The following MRRF variants were observed in gnomAD, a reference collection of about 807,000 sequenced individuals.
MRRF encodes ribosome-recycling factor, mitochondrial.
In MRRF, 18 loss-of-function variants were observed where a neutral mutation model predicts 25.1. The observed-to-expected ratio is 0.72, with a 90% CI of 0.50 to 1.06. The LOEUF (loss-of-function observed/expected upper bound fraction) is 1.06. MRRF is among the 50% of genes least tolerant of loss of function. The probability of loss-of-function intolerance (pLI) is 0.00; values close to 1 mark genes in which losing one functional copy is unlikely to be tolerated. For synonymous variants in MRRF, 113 were observed against 112.1 expected (o/e 1.01, Z -0.05); for missense variants, 323 against 319.3 (o/e 1.01, Z -0.09).
chr9:122,291,875 A>T (rs1320313270), intron 5 of MRRF, 35 bp downstream of exon 5: 1 of 1,479,602 alleles, frequency 6.8e-7, no homozygotes, highest in Non-Finnish European at 9.5e-7. Context: ...TTTTGATGAA[A>T]CGGGGTGGTT....
At chr9:122,268,243 C>T (rs1254943110) in intron 1 of MRRF, among the ~76,000 whole-genome samples, 2 of 152,338 alleles carry the variant, frequency 1.3e-5, no homozygotes, top group East Asian at 3.9e-4. Context: ...TTCCGGTTCA[C>T]GTGTACTGGG....
chr9:122,317,374 T>C (rs1212632129), intron 6 of MRRF, among the ~76,000 whole-genome samples: 1 of 152,126 alleles, frequency 6.6e-6, no homozygotes, highest in African/African-American at 2.4e-5. Context: ...TAAAGGATAA[T>C]ATATACTAAA....
chr9:122,269,124 C>T (rs891029151), intron 1 of MRRF, among the ~76,000 whole-genome samples: 15 of 151,376 alleles, frequency 9.9e-5, no homozygotes, highest in African/African-American at 3.6e-4. Flanking sequence ...CGAGATCGTG[C>T]CACTGCACTC....
At position 122,318,688 on chromosome 9, in the gene MRRF, G is replaced by A. The variant is rs994143886; in HGVS notation, c.712-3852G>A. Among the ~76,000 whole-genome samples, 5 of 152,334 alleles carry A rather than the reference G, an allele frequency of 3.3e-5. No homozygotes were observed. The East Asian group carries it at 9.6e-4, about 29-fold the overall frequency. On this transcript the variant is annotated intron_variant, in intron 6 of 6. Coordinates refer to ENST00000344641, the MANE Select transcript of MRRF (RefSeq NM_138777.5). ...CAAATGTGATGATGATAATGATGGT[G>A]ACGATGTTATCATCTCTATGAGGCA...
intron 5 of MRRF, among the ~76,000 whole-genome samples, chr9:122,306,380 G>T (rs59096602): frequency 0.016 from 2,381 of 152,266 alleles, 61 homozygotes; most frequent in African/African-American, 0.049. Context: ...TTAAGTTGTT[G>T]TAAGAGGGAC....
Position 122,280,577 on chromosome 9 carries a change from C to G in MRRF, c.319C>G (p.Leu107Val), listed in dbSNP as rs769997516. ...TCTCAAGGATAATTTCAATAAGACT[C>G]TCAATATAAGGACCTCACCAGGTTA... ...EALKDNFNKT[L>V]NIRTSPGSLD... Residue 107 changes from leucine (L) to valine (V), a missense_variant, in exon 3 of 7, where the codon CTC (leucine) becomes GTC (valine). Leu to Val is a conservative substitution (Grantham distance 32). Coordinates refer to ENST00000344641, the MANE Select transcript of MRRF (RefSeq NM_138777.5). The G allele has an allele frequency of 9.3e-6, 15 of 1,613,830 alleles. No homozygotes were observed. Among genetic ancestry groups the G allele is most frequent in the Non-Finnish European group, 1.3e-5 (15 of 1,179,858 alleles).
Position 122,270,928 on chromosome 9 carries a change from C to T in MRRF, c.37C>T (p.Pro13Ser). Residue 13 changes from proline to serine, a missense_variant, in exon 2 of 7, where the codon CCT becomes TCT. Pro to Ser is a moderately conservative substitution (Grantham distance 74). Transcript: ENST00000344641. ...ATTAAAGTGCTTCCGCATGGTCCAC[C>T]CTACCTTTCGCAATTATCTTGCAGC... Reference protein sequence around the residue: ...LGLKCFRMVHPTFRNYLAASI... With the variant: ...LGLKCFRMVHSTFRNYLAASI... The T allele has an allele frequency of 6.2e-7, 1 of 1,614,146 alleles. No individual in the cohort carries two copies. The highest frequency in any genetic ancestry group is 1.3e-5 in the African/African-American group (1 of 75,018).
intron 5 of MRRF, among the ~76,000 whole-genome samples, chr9:122,292,775 G>A (rs1833857704): frequency 1.3e-5 from 2 of 152,090 alleles, no homozygotes; most frequent in Non-Finnish European, 2.9e-5. Flanking sequence ...GTACAAAGTG[G>A]ACACAAGGGG....
Position 122,328,585 on chromosome 9 carries a change from A to G in MRRF, c.*5968A>G, listed in dbSNP as rs1458165568. On this transcript the variant is annotated 3_prime_UTR_variant, in exon 7 of 7. Transcript: ENST00000344641. Reference sequence around the variant, plus strand: ...TTTCTAAGGCTGAGTAATCTGTTGTATATATGAATAAGTATATATAAAGCT... The same window carrying G: ...TTTCTAAGGCTGAGTAATCTGTTGTGTATATGAATAAGTATATATAAAGCT... The G allele has an allele frequency of 1.3e-5, 2 of 152,226 alleles. No homozygotes were observed. Among genetic ancestry groups the G allele is most frequent in the Non-Finnish European group, 1.5e-5 (1 of 68,046 alleles). 9.4% of individuals were successfully genotyped at this position (152,226 alleles called of 1,614,324 possible).
At chr9:122,313,944 T>A (rs912809757) in intron 6 of MRRF, among the ~76,000 whole-genome samples, 7 of 152,118 alleles carry the variant, frequency 4.6e-5, no homozygotes, top group Non-Finnish European at 8.8e-5. Flanking sequence ...AATATTCAGT[T>A]AAGATCATTG....
chr9:122,300,190 T>C (rs1834363123), intron 5 of MRRF, among the ~76,000 whole-genome samples: 1 of 152,190 alleles, frequency 6.6e-6, no homozygotes, highest in Admixed American at 6.5e-5. Context: ...CTTTAGTACC[T>C]CTGCCATGTG....
In MRRF at chr9:122,305,600, T is replaced by A. The variant is rs1418467326; in HGVS notation, c.552-7627T>A. ...TACAGGGAAATGGCTCTGTAGCAGTTATCATTATTATTAGTACTGAAGGGG... is the reference window on the plus strand; with the variant it reads ...TACAGGGAAATGGCTCTGTAGCAGTAATCATTATTATTAGTACTGAAGGGG... On this transcript the variant is annotated intron_variant, in intron 5 of 6. Coordinates refer to ENST00000344641, the MANE Select transcript of MRRF (RefSeq NM_138777.5). Among the ~76,000 whole-genome samples, 5 of 152,148 alleles carry A rather than the reference T, an allele frequency of 3.3e-5. No individual in the cohort carries two copies. In the East Asian group the frequency reaches 9.6e-4, roughly 29 times the overall value.
At chr9:122,265,638 AC>A in intron 1 of MRRF, 1 of 577,608 alleles carries the variant, frequency 1.7e-6, no homozygotes, top group Non-Finnish European at 2.9e-6. Context: ...ACCTGATCTG[AC>A]CCCTTCATTT....
rs35432998 is a variant in MRRF at position 122,290,053 on chromosome 9, C to CA, written c.460-1684dup. Among the ~76,000 whole-genome samples, 974 of 113,234 alleles carry CA rather than the reference C, an allele frequency of 8.6e-3. 4 individuals carry two copies. The highest frequency in any genetic ancestry group is 0.011 in the Middle Eastern group (2 of 176). 74.3% of individuals were successfully genotyped at this position (113,234 alleles called of 152,430 possible). On this transcript the variant is annotated intron_variant, in intron 4 of 6. Transcript: ENST00000344641. ...TGAGTGACAGAGTGAGACCCTGTCT[C>CA]AAAAAAAAAAAAGAAAAAAGAAAAA...
At chr9:122,291,893 G>A (rs777957036) in intron 5 of MRRF, 53 bp downstream of exon 5, 9 of 1,284,910 alleles carry the variant, frequency 7.0e-6, no homozygotes, top group Non-Finnish European at 9.1e-6. Flanking sequence ...GTTGTCCTTG[G>A]AAGGAAACCA....
At chr9:122,300,720 C>T (rs1834396297) in intron 5 of MRRF, among the ~76,000 whole-genome samples, 1 of 152,102 alleles carries the variant, frequency 6.6e-6, no homozygotes, top group South Asian at 2.1e-4. Context: ...TTTTTTTCCC[C>T]TATCTTTTCC....
chr9:122,291,857 T>A lies in MRRF; in HGVS notation c.551+17T>A. 20 of 1,577,172 alleles carry A rather than the reference T, an allele frequency of 1.3e-5. No individual in the cohort carries two copies. Among genetic ancestry groups the A allele is most frequent in the Non-Finnish European group, 1.7e-5 (20 of 1,146,400 alleles). On this transcript the variant is annotated intron_variant, in intron 5 of 6. Transcript: ENST00000344641. ...CATTCCCCAGTAAGTTTGGCTGAAA[T>A]TCACATATTTTGATGAAACGGGGTG...
chr9:122,311,363 C>T (rs1835195149), intron 5 of MRRF, among the ~76,000 whole-genome samples: 1 of 152,194 alleles, frequency 6.6e-6, no homozygotes, highest in Non-Finnish European at 1.5e-5. Context: ...CTTCTCACTG[C>T]ACTCCACTCT....
At chr9:122,309,258 CAAT>C (rs903320291) in intron 5 of MRRF, among the ~76,000 whole-genome samples, 3 of 152,130 alleles carry the variant, frequency 2.0e-5, no homozygotes, top group Non-Finnish European at 4.4e-5. Flanking sequence ...TTTTAAGGCT[CAAT>C]AATATTATAT....
Sources: gnomAD v4.1 joint callset for allele counts (sites outside exome capture counted in the v4.1 genomes callset) on GRCh38, gnomAD v4.1.1 for gene constraint, MANE v1.5 for transcripts, NCBI Gene and HGNC (gene_info 2026-07-23, HGNC 2026-07-21) for gene names.